The following C8orf34 variants were observed in gnomAD, a reference collection of about 807,000 sequenced individuals.
C8orf34 encodes the protein chromosome 8 open reading frame 34.
In C8orf34, 65 loss-of-function variants were observed where a neutral mutation model predicts 68.3. The observed-to-expected ratio is 0.95, with a 90% CI of 0.78 to 1.17. The LOEUF (loss-of-function observed/expected upper bound fraction) is 1.17. Among genes scored for constraint, C8orf34 ranks in the 50% most tolerant of loss-of-function variants. The probability of loss-of-function intolerance (pLI) is 0.00; values close to 1 mark genes in which losing one functional copy is unlikely to be tolerated. For synonymous variants in C8orf34, 244 were observed against 241.2 expected (o/e 1.01, Z -0.11); for missense variants, 664 against 655.4 (o/e 1.01, Z -0.14).
At chr8:68,802,170 G>C (rs1824348134) in intron 12 of C8orf34, among the ~76,000 whole-genome samples, 1 of 151,824 alleles carries the variant, frequency 6.6e-6, no homozygotes, top group Non-Finnish European at 1.5e-5. Context: ...GTGCAATCTT[G>C]GCATACCACA....
intron 1 of C8orf34, among the ~76,000 whole-genome samples, chr8:68,395,440 C>T (rs1808663650): frequency 6.6e-6 from 1 of 151,920 alleles, no homozygotes; most frequent in African/African-American, 2.4e-5. Flanking sequence ...AGATTCCAAA[C>T]ATCTGGAATG....
At chr8:68,728,001 T>C (rs1821880648) in intron 10 of C8orf34, among the ~76,000 whole-genome samples, 1 of 152,178 alleles carries the variant, frequency 6.6e-6, no homozygotes, top group African/African-American at 2.4e-5. Context: ...CCCCAGAAAA[T>C]GGGTTTTTAT....
chr8:68,567,481 T>A (rs1191398116), intron 7 of C8orf34, among the ~76,000 whole-genome samples: 1 of 151,948 alleles, frequency 6.6e-6, no homozygotes, highest in Non-Finnish European at 1.5e-5. Context: ...CCCATTTTGT[T>A]TCTTATTGAG....
chr8:68,601,912 G>C (rs921570270), intron 7 of C8orf34, among the ~76,000 whole-genome samples: 8 of 152,136 alleles, frequency 5.3e-5, no homozygotes, highest in African/African-American at 1.9e-4. Flanking sequence ...GATCCAGGTG[G>C]ATGTGGATGT....
intron 9 of C8orf34, among the ~76,000 whole-genome samples, chr8:68,712,745 G>T (rs1821360901): frequency 6.6e-6 from 1 of 151,960 alleles, no homozygotes; most frequent in African/African-American, 2.4e-5. Context: ...AGTAATAGTG[G>T]GGGACTTTAA....
chr8:68,368,143 G>A (rs951424757), intron 1 of C8orf34, among the ~76,000 whole-genome samples: 6 of 152,114 alleles, frequency 3.9e-5, no homozygotes, highest in African/African-American at 1.4e-4. Context: ...CAGTTTGTAG[G>A]GAAGTTTTAC....
chr8:68,563,233 A>G (rs935901495), intron 7 of C8orf34, among the ~76,000 whole-genome samples: 2 of 152,140 alleles, frequency 1.3e-5, no homozygotes, highest in Admixed American at 6.6e-5. Flanking sequence ...TAAAATATTG[A>G]TTTCTTATTC....
Position 68,421,208 on chromosome 8 carries a change from C to T in C8orf34, c.328-18291C>T, listed in dbSNP as rs376457833. Among the ~76,000 whole-genome samples, 116 of 152,220 alleles carry T rather than the reference C, an allele frequency of 7.6e-4. 1 individual carries two copies. Among genetic ancestry groups the T allele is most frequent in the African/African-American group, 2.4e-3 (99 of 41,552 alleles). On this transcript the variant is annotated intron_variant, in intron 1 of 13. Coordinates refer to ENST00000518698, the MANE Select transcript of C8orf34 (RefSeq NM_052958.4). ...CCCTGTTCCTCTATTCTAAATAAAA[C>T]GAAAGACCTTGGGCATTATTCAACA...
intron 10 of C8orf34, among the ~76,000 whole-genome samples, chr8:68,737,683 A>G (rs1220850422): frequency 2.6e-5 from 4 of 152,138 alleles, no homozygotes; most frequent in Non-Finnish European, 5.9e-5. Context: ...AAAGAAAGGC[A>G]TTACATAATG....
intron 8 of C8orf34, among the ~76,000 whole-genome samples, chr8:68,686,098 G>C (rs1460705576): frequency 6.6e-6 from 1 of 151,646 alleles, no homozygotes; most frequent in East Asian, 1.9e-4. Flanking sequence ...GAAATAGACA[G>C]ACAAATAACA....
At chr8:68,368,459 A>G (rs1324413457) in intron 1 of C8orf34, among the ~76,000 whole-genome samples, 1 of 151,382 alleles carries the variant, frequency 6.6e-6, no homozygotes, top group Non-Finnish European at 1.5e-5. Context: ...TTCACTCTCT[A>G]CAGATTTTAT....
At chr8:68,405,107 G>A (rs1018440009) in intron 1 of C8orf34, among the ~76,000 whole-genome samples, 1 of 152,050 alleles carries the variant, frequency 6.6e-6, no homozygotes, top group African/African-American at 2.4e-5. Context: ...GTATTCCTAG[G>A]TATTTTATTC....
At chr8:68,722,006 G>T (rs73683704) in intron 10 of C8orf34, among the ~76,000 whole-genome samples, 11,358 of 151,830 alleles carry the variant, frequency 0.075, 615 homozygotes, top group African/African-American at 0.15. Flanking sequence ...TGTAATATTT[G>T]GACTGGGTTT....
chr8:68,458,862 G>A (rs1193821355), intron 3 of C8orf34, among the ~76,000 whole-genome samples: 1 of 152,154 alleles, frequency 6.6e-6, no homozygotes, highest in Non-Finnish European at 1.5e-5. Context: ...AGATGAGGCA[G>A]CTGCGTTCAT....
chr8:68,494,778 C>T (rs748351161), intron 5 of C8orf34, among the ~76,000 whole-genome samples: 5 of 151,862 alleles, frequency 3.3e-5, no homozygotes, highest in Non-Finnish European at 7.4e-5. Flanking sequence ...ACCACTTGAA[C>T]ACGGGAGGCG....
intron 10 of C8orf34, among the ~76,000 whole-genome samples, chr8:68,766,578 T>A (rs1212644303): frequency 6.6e-6 from 1 of 152,190 alleles, no homozygotes; most frequent in Non-Finnish European, 1.5e-5. Context: ...TTTAACTACT[T>A]CTGCTGATAT....
chr8:68,709,192 T>A (rs1821262318), intron 9 of C8orf34, 113 bp downstream of exon 9: 1 of 756,298 alleles, frequency 1.3e-6, no homozygotes, highest in South Asian at 1.6e-5. Context: ...TCACTGCAGC[T>A]GCACGTCACA....
At chr8:68,372,476 A>G (rs952605343) in intron 1 of C8orf34, among the ~76,000 whole-genome samples, 1 of 152,138 alleles carries the variant, frequency 6.6e-6, no homozygotes, top group African/African-American at 2.4e-5. Flanking sequence ...CCAATGCCAA[A>G]GAAGCTAGAG....
At chr8:68,747,353 C>A (rs1218253863) in intron 10 of C8orf34, among the ~76,000 whole-genome samples, 4 of 150,794 alleles carry the variant, frequency 2.7e-5, no homozygotes, top group Admixed American at 2.0e-4. Flanking sequence ...CTCACCACTC[C>A]TATTCAACAT....
Sources: allele counts gnomAD v4.1 joint callset (sites outside exome capture counted in the v4.1 genomes callset), GRCh38; gene constraint gnomAD v4.1.1; transcripts MANE v1.5; gene names NCBI Gene and HGNC (gene_info 2026-07-23, HGNC 2026-07-21).